The following CBX1 variants were observed in gnomAD, a reference collection of about 807,000 sequenced individuals.
CBX1 encodes chromobox 1.
In CBX1, 10 loss-of-function variants were observed where a neutral mutation model predicts 25.1. The observed-to-expected ratio is 0.40, with a 90% CI of 0.25 to 0.68. The LOEUF (loss-of-function observed/expected upper bound fraction) is 0.68. Among genes scored for constraint, CBX1 ranks in the 30% least tolerant of loss-of-function variants. CBX1 has a pLI of 0.40. For synonymous variants in CBX1, 63 were observed against 79.4 expected (o/e 0.79, Z 1.10); for missense variants, 106 against 218.5 (o/e 0.49, Z 3.25).
chr17:48,097,707 T>A (rs1211175050), intron 1 of CBX1, among the ~76,000 whole-genome samples: 2 of 152,102 alleles, frequency 1.3e-5, no homozygotes, highest in Non-Finnish European at 2.9e-5. Context: ...ACAGACAAAT[T>A]AGGTTGCCCC....
At chr17:48,081,224 C>G (rs948269389) in intron 1 of CBX1, among the ~76,000 whole-genome samples, 1 of 151,252 alleles carries the variant, frequency 6.6e-6, no homozygotes, top group Non-Finnish European at 1.5e-5. Context: ...AAAAATAAAA[C>G]AGCACTGACT....
rs538950942 is a variant in CBX1 at position 48,084,317 on chromosome 17, G to A, written c.-37-7276C>T. Reference sequence around the variant, plus strand: ...GAACCTCCGCCTCCAGAGTTCAAGCGATTCTCCTGCCTCAGCCTCCTGAGT... The same window carrying A: ...GAACCTCCGCCTCCAGAGTTCAAGCAATTCTCCTGCCTCAGCCTCCTGAGT... On this transcript the variant is annotated intron_variant, in intron 1 of 4. Coordinates refer to ENST00000225603, the MANE Select transcript of CBX1 (RefSeq NM_001127228.2). Among the ~76,000 whole-genome samples, 36 of 128,258 alleles carry A rather than the reference G, an allele frequency of 2.8e-4. 1 individual carries two copies. The South Asian group carries it at 8.1e-3, about 29-fold the overall frequency. The allele number at this position is 128,258 out of a possible 152,430, so 84.1% of individuals were successfully genotyped here.
Position 48,101,434 on chromosome 17 carries a change from C to G in CBX1, c.-204G>C, listed in dbSNP as rs4794445. On this transcript the variant is annotated 5_prime_UTR_variant, in exon 1 of 5. Transcript: ENST00000225603. ...AGGCCCCGGCCAACGGCCCTCCCCT[C>G]AGCCGAACAAAAGAGCCTCGCAGTC... 222 of 985,596 alleles carry G rather than the reference C, an allele frequency of 2.3e-4. 2 individuals are homozygous for G. The highest frequency in any genetic ancestry group is 2.1e-3 in the Middle Eastern group (4 of 1,918). 61.1% of individuals were successfully genotyped at this position (985,596 alleles called of 1,614,324 possible).
At chr17:48,083,492 C>T (rs571832044) in intron 1 of CBX1, among the ~76,000 whole-genome samples, 2 of 150,700 alleles carry the variant, frequency 1.3e-5, no homozygotes, top group South Asian at 4.1e-4. Flanking sequence ...GACATCTCTA[C>T]TTGTCTTTTT....
At chr17:48,081,645 T>C (rs528675782) in intron 1 of CBX1, among the ~76,000 whole-genome samples, 1 of 152,230 alleles carries the variant, frequency 6.6e-6, no homozygotes, top group African/African-American at 2.4e-5. Flanking sequence ...TTTCACCATG[T>C]TGGCCAGGCT....
intron 4 of CBX1, among the ~76,000 whole-genome samples, chr17:48,074,190 T>G (rs2037653181): frequency 1.3e-5 from 2 of 152,150 alleles, no homozygotes; most frequent in South Asian, 4.1e-4. Context: ...GAGTAAGTTC[T>G]GGACTGACAA....
chr17:48,084,361 G>A (rs942239434), intron 1 of CBX1, among the ~76,000 whole-genome samples: 5 of 148,104 alleles, frequency 3.4e-5, no homozygotes, highest in Admixed American at 6.6e-5. Context: ...TTACAGGTGC[G>A]TGCCACCACA....
chr17:48,095,048 A>G (rs1003266956), intron 1 of CBX1, among the ~76,000 whole-genome samples: 4 of 149,658 alleles, frequency 2.7e-5, no homozygotes, highest in East Asian at 1.9e-4. Flanking sequence ...CTCTGCCTCA[A>G]AAAAAAAAAG....
rs756109344 is a variant in CBX1 at position 48,071,577 on chromosome 17, T to C, written c.416A>G (p.Lys139Arg). The C allele has an allele frequency of 8.1e-6, 13 of 1,601,392 alleles. No individual in the cohort carries two copies. The highest frequency in any genetic ancestry group is 8.1e-5 in the African/African-American group (6 of 74,278). The change falls in exon 5 of 5, where the codon AAA becomes AGA. Residue 139 changes from lysine to arginine, a missense_variant and splice_region_variant. Coordinates refer to ENST00000225603, the MANE Select transcript of CBX1 (RefSeq NM_001127228.2). ...SGELMFLMKW[K>R]NSDEADLVPA... Reference sequence around the variant, plus strand: ...GACCAGGTCAGCCTCATCAGAGTTTTTCCTGCAGAATAAAGCAAAGAGAGA... The same window carrying C: ...GACCAGGTCAGCCTCATCAGAGTTTCTCCTGCAGAATAAAGCAAAGAGAGA...
chr17:48,086,291 A>G (rs954617029), intron 1 of CBX1, among the ~76,000 whole-genome samples: 5 of 152,238 alleles, frequency 3.3e-5, no homozygotes, highest in African/African-American at 4.8e-5. Context: ...AGGCAGTAAC[A>G]TAACAGACAC....
At chr17:48,074,928 G>A in intron 4 of CBX1, 78 bp downstream of exon 4, 5 of 1,002,876 alleles carry the variant, frequency 5.0e-6, no homozygotes, top group Non-Finnish European at 7.9e-6. Flanking sequence ...GAATTTCGAA[G>A]GTCCAGCTCT....
intron 4 of CBX1, among the ~76,000 whole-genome samples, chr17:48,073,501 T>C (rs1283321077): frequency 6.6e-6 from 1 of 152,114 alleles, no homozygotes; most frequent in Admixed American, 6.5e-5. Flanking sequence ...ATGTACTTTG[T>C]CTTATAATCA....
At chr17:48,081,403 A>G (rs2037736791) in intron 1 of CBX1, among the ~76,000 whole-genome samples, 1 of 152,120 alleles carries the variant, frequency 6.6e-6, no homozygotes. Flanking sequence ...CAAATGGGGA[A>G]ATCTAAAGTA....
chr17:48,077,433 G>GTTTGTTT (rs1567764327), intron 1 of CBX1, among the ~76,000 whole-genome samples: 14 of 128,860 alleles, frequency 1.1e-4, no homozygotes, highest in African/African-American at 2.4e-4. Context: ...AATTTTTGTT[G>GTTTGTTT]TTTTTTTTTT....
intron 4 of CBX1, among the ~76,000 whole-genome samples, chr17:48,073,683 C>T (rs1321141093): frequency 6.6e-6 from 1 of 151,970 alleles, no homozygotes; most frequent in East Asian, 1.9e-4. Context: ...AAAAATCAGC[C>T]AGGCGTGGTA....
chr17:48,086,902 A>C (rs2063314888), intron 1 of CBX1, among the ~76,000 whole-genome samples: 1 of 151,824 alleles, frequency 6.6e-6, no homozygotes, highest in Non-Finnish European at 1.5e-5. Flanking sequence ...ATAAATAAAC[A>C]AAAATGGCCG....
chr17:48,076,267 G>A, intron 2 of CBX1, 89 bp from the exon 3 acceptor site: 2 of 1,058,352 alleles, frequency 1.9e-6, no homozygotes, highest in Non-Finnish European at 2.6e-6. Flanking sequence ...GACCTCAGAT[G>A]TCTATGGAAA....
chr17:48,081,849 A>G (rs2037741159), intron 1 of CBX1, among the ~76,000 whole-genome samples: 1 of 152,220 alleles, frequency 6.6e-6, no homozygotes, highest in South Asian at 2.1e-4. Flanking sequence ...ATCCCAGAGC[A>G]TCTACATCCA....
chr17:48,097,666 T>A (rs568268920), intron 1 of CBX1, among the ~76,000 whole-genome samples: 1 of 151,246 alleles, frequency 6.6e-6, no homozygotes, highest in African/African-American at 2.4e-5. Context: ...GCACTCAAAG[T>A]GTCAACTATT....
Sources: allele counts gnomAD v4.1 joint callset (sites outside exome capture counted in the v4.1 genomes callset), GRCh38; gene constraint gnomAD v4.1.1; transcripts MANE v1.5; gene names NCBI Gene and HGNC (gene_info 2026-07-23, HGNC 2026-07-21).